Variants in PRKCE observed in about 807,000 individuals in gnomAD.
PRKCE encodes the protein protein kinase C epsilon.
PRKCE carries 16 observed loss-of-function variants against 85.4 expected under a neutral mutation model. The ratio of observed to expected loss-of-function variants is 0.19; its 90% CI spans 0.13 to 0.28. The LOEUF (loss-of-function observed/expected upper bound fraction) is 0.28. Among genes scored for constraint, PRKCE ranks in the 10% least tolerant of loss-of-function variants. PRKCE has a pLI of 1.00. For missense variants in PRKCE, 573 were observed against 975.2 expected, an observed-to-expected ratio of 0.59 and a Z score of 5.49; for synonymous variants, 388 against 371.5, an observed-to-expected ratio of 1.04 and a Z score of -0.51.
chr2:46,177,656 C>T (rs1025912423), intron 14 of PRKCE, among the ~76,000 whole-genome samples: 1 of 152,154 alleles, frequency 6.6e-6, no homozygotes, highest in East Asian at 1.9e-4. Context: ...CGTTTGATTA[C>T]GTCTGCAAAG....
intron 7 of PRKCE, among the ~76,000 whole-genome samples, chr2:46,003,548 T>G (rs978778919): frequency 6.6e-6 from 1 of 152,266 alleles, no homozygotes; most frequent in Non-Finnish European, 1.5e-5. Flanking sequence ...GAGTCTTACC[T>G]TTAAGTATCC....
At chr2:45,988,418 G>T (rs1257032337) in intron 6 of PRKCE, among the ~76,000 whole-genome samples, 2 of 152,188 alleles carry the variant, frequency 1.3e-5, no homozygotes, top group East Asian at 3.9e-4. Flanking sequence ...TTGTCAGCCA[G>T]GTAGAGGGAG....
intron 13 of PRKCE, among the ~76,000 whole-genome samples, chr2:46,152,381 C>T (rs755418133): frequency 6.6e-6 from 1 of 151,872 alleles, no homozygotes; most frequent in Non-Finnish European, 1.5e-5. Context: ...AAGATTTCAC[C>T]ATGTTGGCCA....
intron 6 of PRKCE, among the ~76,000 whole-genome samples, chr2:46,000,699 T>C (rs1704608330): frequency 6.6e-6 from 1 of 152,062 alleles, no homozygotes; most frequent in Non-Finnish European, 1.5e-5. Flanking sequence ...AACGACTGGG[T>C]CCCCCTTAGA....
chr2:46,114,622 T>C (rs1230498288), intron 11 of PRKCE, among the ~76,000 whole-genome samples: 1 of 151,650 alleles, frequency 6.6e-6, no homozygotes, highest in Non-Finnish European at 1.5e-5. Flanking sequence ...AGTTTCACCA[T>C]GTTAGCCAGG....
At chr2:46,070,691 T>C (rs1357605643) in intron 10 of PRKCE, among the ~76,000 whole-genome samples, 3 of 151,990 alleles carry the variant, frequency 2.0e-5, no homozygotes, top group African/African-American at 7.2e-5. Flanking sequence ...TTGACAGCTC[T>C]ATTGAATGAT....
chr2:46,181,584 C>G (rs1679981114), intron 14 of PRKCE, among the ~76,000 whole-genome samples: 1 of 152,216 alleles, frequency 6.6e-6, no homozygotes, highest in Non-Finnish European at 1.5e-5. Context: ...TTCCCTGATT[C>G]ACAACAGCAA....
intron 2 of PRKCE, among the ~76,000 whole-genome samples, chr2:45,968,619 G>A (rs1701893539): frequency 6.6e-6 from 1 of 152,182 alleles, no homozygotes; most frequent in African/African-American, 2.4e-5. Context: ...GTATCGCAAA[G>A]CTATTGAAAT....
Position 46,001,462 on chromosome 2 carries a change from G to A in PRKCE, c.882G>A (p.Val294=), listed in dbSNP as rs892176797. ...CCAACGTGGCTCCCAACTGTGGAGT[G>A]GATGCCAGAGGAATCGCCAAAGTAC... ...CETNVAPNCG[V]DARGIAKVLA... is the part of the protein sequence containing the mutation. The change falls in exon 7 of 15, where the codon GTG becomes GTA. Residue 294 remains valine (V), a synonymous_variant. Transcript: ENST00000306156. The surrounding 1 kb of genome is among the most constrained non-coding windows in gnomAD (Gnocchi z 4.4). The A allele has an allele frequency of 6.3e-7, 1 of 1,599,542 alleles. No individual in the cohort carries two copies. The highest frequency in any genetic ancestry group is 1.3e-5 in the African/African-American group (1 of 75,006).
At chr2:46,067,887 C>G (rs374544704) in intron 10 of PRKCE, among the ~76,000 whole-genome samples, 1 of 151,998 alleles carries the variant, frequency 6.6e-6, no homozygotes, top group African/African-American at 2.4e-5. Context: ...TCTGGAATGC[C>G]GGTATTCCAG....
chr2:46,175,774 T>C (rs532986982), intron 14 of PRKCE, among the ~76,000 whole-genome samples: 1 of 151,938 alleles, frequency 6.6e-6, no homozygotes, highest in East Asian at 1.9e-4. Context: ...GTCATGAAGC[T>C]GAGAAGGAAT....
chr2:45,875,968 G>A (rs1694444779), intron 2 of PRKCE, among the ~76,000 whole-genome samples: 1 of 152,172 alleles, frequency 6.6e-6, no homozygotes, highest in Admixed American at 6.5e-5. Context: ...TCAAAGTTAA[G>A]CTGATTTCTG....
At chr2:45,996,597 T>G (rs1180874988) in intron 6 of PRKCE, among the ~76,000 whole-genome samples, 7 of 78,950 alleles carry the variant, frequency 8.9e-5, no homozygotes, top group Admixed American at 8.3e-4. Context: ...AATTATTTGA[T>G]TTTTTTTCTC....
intron 1 of PRKCE, among the ~76,000 whole-genome samples, chr2:45,822,004 G>A (rs1558712782): frequency 6.6e-6 from 1 of 152,166 alleles, no homozygotes; most frequent in Non-Finnish European, 1.5e-5. Context: ...GGAGCTCTGA[G>A]GTGCGGGGCG....
At chr2:46,003,290 G>A (rs1212595249) in intron 7 of PRKCE, among the ~76,000 whole-genome samples, 2 of 152,200 alleles carry the variant, frequency 1.3e-5, no homozygotes, top group South Asian at 2.1e-4. Context: ...GGATGTGTGT[G>A]CACAGCAGGT....
chr2:45,729,905 T>C (rs1184794282), intron 1 of PRKCE, among the ~76,000 whole-genome samples: 1 of 152,196 alleles, frequency 6.6e-6, no homozygotes, highest in African/African-American at 2.4e-5. Context: ...ACCTGGAGTC[T>C]TAAAAGAGGA....
At chr2:45,860,174 G>T (rs1693031919) in intron 2 of PRKCE, among the ~76,000 whole-genome samples, 1 of 152,230 alleles carries the variant, frequency 6.6e-6, no homozygotes, top group Non-Finnish European at 1.5e-5. Flanking sequence ...AGCTGGAATA[G>T]TGCCTGGCAT....
chr2:45,717,170 C>G (rs1242813031), intron 1 of PRKCE, among the ~76,000 whole-genome samples: 1 of 152,178 alleles, frequency 6.6e-6, no homozygotes, highest in East Asian at 1.9e-4. Flanking sequence ...CCACAACAGG[C>G]TAGGCCCAGA....
intron 1 of PRKCE, among the ~76,000 whole-genome samples, chr2:45,662,738 C>T (rs1338294138): frequency 6.6e-6 from 1 of 151,200 alleles, no homozygotes; most frequent in Non-Finnish European, 1.5e-5. Flanking sequence ...TGATCGAAAT[C>T]ACAAAGCTAT....
Sources: gnomAD v4.1 joint callset for allele counts (sites outside exome capture counted in the v4.1 genomes callset) on GRCh38, gnomAD v4.1.1 for gene constraint, Gnocchi (gnomAD v3.1) non-coding constraint, MANE v1.5 for transcripts, NCBI Gene and HGNC (gene_info 2026-07-23, HGNC 2026-07-21) for gene names.